Variants in PTPRD observed in about 807,000 individuals in gnomAD.
The protein encoded by PTPRD is protein tyrosine phosphatase receptor type D.
PTPRD carries 34 observed loss-of-function variants against 214.5 expected under a neutral mutation model. The observed-to-expected ratio is 0.16, with a 90% confidence interval of 0.12 to 0.21. The LOEUF (loss-of-function observed/expected upper bound fraction) is 0.21. PTPRD is among the 10% of genes least tolerant of loss of function. PTPRD has a pLI of 1.00. For missense variants in PTPRD, 2,545 were observed against 2,398.7 expected (o/e 1.06, Z -1.27); for synonymous variants, 1,128 against 845.7 (o/e 1.33, Z -5.79).
At chr9:9,964,579 G>A (rs536834248) in intron 4 of PTPRD, among the ~76,000 whole-genome samples, 1 of 152,156 alleles carries the variant, frequency 6.6e-6, no homozygotes, top group South Asian at 2.1e-4. Context: ...GTTAGGAGTG[G>A]GGCAAATCTA....
intron 11 of PTPRD, among the ~76,000 whole-genome samples, chr9:8,875,004 G>C (rs1019913394): frequency 1.3e-5 from 2 of 152,114 alleles, no homozygotes; most frequent in African/African-American, 4.8e-5. Flanking sequence ...CAAAAATATA[G>C]GGCTGTGCTC....
chr9:8,773,348 C>T (rs777248153), intron 11 of PTPRD, among the ~76,000 whole-genome samples: 1 of 152,160 alleles, frequency 6.6e-6, no homozygotes, highest in African/African-American at 2.4e-5. Flanking sequence ...ATCTTCCCAA[C>T]TCAGGAGTTT....
At chr9:8,548,790 G>T (rs946629161) in intron 14 of PTPRD, among the ~76,000 whole-genome samples, 1 of 138,386 alleles carries the variant, frequency 7.2e-6, no homozygotes. Flanking sequence ...CGCCTCCCAG[G>T]TTCAAGCAAT....
At chr9:9,727,178 G>A (rs578185679) in intron 7 of PTPRD, among the ~76,000 whole-genome samples, 72 of 152,192 alleles carry the variant, frequency 4.7e-4, no homozygotes, top group African/African-American at 1.7e-3. Flanking sequence ...ATTCTTGGCC[G>A]GGCGTGGTGG....
At chr9:10,419,781 C>A (rs10118147) in intron 2 of PTPRD, among the ~76,000 whole-genome samples, 11,691 of 151,662 alleles carry the variant, frequency 0.077, 619 homozygotes, top group Admixed American at 0.17. Flanking sequence ...CATGTACAAT[C>A]TGAAATTTCT....
intron 11 of PTPRD, among the ~76,000 whole-genome samples, chr9:8,788,818 G>C (rs1375346005): frequency 6.6e-6 from 1 of 152,106 alleles, no homozygotes; most frequent in Non-Finnish European, 1.5e-5. Context: ...GTTTACTCAG[G>C]AATTGATGCA....
At chr9:10,344,065 G>A (rs1006791095) in intron 2 of PTPRD, among the ~76,000 whole-genome samples, 1 of 105,568 alleles carries the variant, frequency 9.5e-6, no homozygotes, top group Admixed American at 1.2e-4. Context: ...GGCTTTTGTT[G>A]CCATTGCTTT....
intron 4 of PTPRD, among the ~76,000 whole-genome samples, chr9:9,948,457 A>G (rs1353254432): frequency 6.6e-6 from 1 of 152,108 alleles, no homozygotes; most frequent in African/African-American, 2.4e-5. Flanking sequence ...AATCTTTGGC[A>G]AATAAATGGC....
intron 12 of PTPRD, among the ~76,000 whole-genome samples, chr9:8,676,371 C>A (rs1396159904): frequency 1.3e-5 from 2 of 148,226 alleles, no homozygotes; most frequent in Non-Finnish European, 3.0e-5. Flanking sequence ...AACATTAGCT[C>A]ATTTTCATTT....
chr9:9,351,897 A>C (rs73393043), intron 9 of PTPRD, among the ~76,000 whole-genome samples: 3,346 of 152,082 alleles, frequency 0.022, 113 homozygotes, highest in African/African-American at 0.076. Flanking sequence ...TTGATGGACT[A>C]TATGAGGATT....
At chr9:9,460,215 G>C (rs2093512892) in intron 8 of PTPRD, among the ~76,000 whole-genome samples, 1 of 152,094 alleles carries the variant, frequency 6.6e-6, no homozygotes, top group Admixed American at 6.6e-5. Context: ...AGACTTCAAT[G>C]TAAGACCTGA....
chr9:8,919,940 A>T (rs1323096692), intron 11 of PTPRD, among the ~76,000 whole-genome samples: 1 of 133,476 alleles, frequency 7.5e-6, no homozygotes, highest in Non-Finnish European at 1.7e-5. Context: ...GCATGTATGC[A>T]TGTACACATG....
intron 6 of PTPRD, among the ~76,000 whole-genome samples, chr9:9,753,261 C>T (rs1460103576): frequency 2.0e-5 from 3 of 151,950 alleles, no homozygotes; most frequent in African/African-American, 7.2e-5. Flanking sequence ...TTTGTAGCTT[C>T]ATAGCCCAGA....
chr9:9,045,157 T>C (rs1171869347), intron 10 of PTPRD, among the ~76,000 whole-genome samples: 1 of 152,148 alleles, frequency 6.6e-6, no homozygotes, highest in Non-Finnish European at 1.5e-5. Context: ...CTAGGGGATT[T>C]TAGAGCACTT....
At chr9:9,515,655 T>A (rs556440441) in intron 8 of PTPRD, among the ~76,000 whole-genome samples, 1 of 151,938 alleles carries the variant, frequency 6.6e-6, no homozygotes, top group African/African-American at 2.4e-5. Context: ...AAGGTAATTA[T>A]AAATTTTGAA....
At chr9:9,912,865 C>T (rs926487591) in intron 5 of PTPRD, among the ~76,000 whole-genome samples, 1 of 152,094 alleles carries the variant, frequency 6.6e-6, no homozygotes, top group Admixed American at 6.5e-5. Context: ...GTTCTAACTT[C>T]CTCATAGGAA....
chr9:9,095,482 T>G (rs947381777), intron 10 of PTPRD, among the ~76,000 whole-genome samples: 3 of 152,128 alleles, frequency 2.0e-5, no homozygotes, highest in African/African-American at 7.2e-5. Context: ...ATCAACACAT[T>G]TGTAGTATAT....
At chr9:10,207,164 A>T (rs1036747823) in intron 3 of PTPRD, among the ~76,000 whole-genome samples, 2 of 152,086 alleles carry the variant, frequency 1.3e-5, no homozygotes, top group African/African-American at 2.4e-5. Context: ...CTGGACAAAG[A>T]CCACTTCTTT....
At chr9:9,466,423 G>C (rs1453873095) in intron 8 of PTPRD, among the ~76,000 whole-genome samples, 1 of 152,174 alleles carries the variant, frequency 6.6e-6, no homozygotes, top group African/African-American at 2.4e-5. Flanking sequence ...ATATTCATCT[G>C]TAGTGAAACT....
Sources: gnomAD v4.1 joint callset for allele counts (sites outside exome capture counted in the v4.1 genomes callset) on GRCh38, gnomAD v4.1.1 for gene constraint, MANE v1.5 for transcripts, NCBI Gene and HGNC (gene_info 2026-07-23, HGNC 2026-07-21) for gene names.